STK32B: variants seen among roughly 807,000 people sequenced by gnomAD.
The protein encoded by STK32B is serine/threonine-protein kinase 32B.
A neutral mutation model predicts 52.6 loss-of-function variants in STK32B; 43 were observed. That is an observed-to-expected ratio of 0.82 (90% CI 0.64 to 1.05). The LOEUF (loss-of-function observed/expected upper bound fraction) is 1.05. Among genes scored for constraint, STK32B ranks in the 50% least tolerant of loss-of-function variants. STK32B has a pLI of 0.00. For missense variants in STK32B, 621 were observed against 534.6 expected, an observed-to-expected ratio of 1.16 and a Z score of -1.59; for synonymous variants, 238 against 204.3, an observed-to-expected ratio of 1.17 and a Z score of -1.41.
chr4:5,322,007 A>T (rs1326226699), intron 3 of STK32B, among the ~76,000 whole-genome samples: 7 of 121,482 alleles, frequency 5.8e-5, no homozygotes, highest in African/African-American at 2.3e-4. Context: ...AAGTCAAATT[A>T]AAAAAAAAAA....
At chr4:5,442,781 C>T (rs1331752178) in intron 6 of STK32B, among the ~76,000 whole-genome samples, 10 of 152,154 alleles carry the variant, frequency 6.6e-5, no homozygotes, top group Non-Finnish European at 1.5e-4. Flanking sequence ...CCTTCAGGAG[C>T]TCTTGTAAGG....
At chr4:5,364,369 C>T (rs1734739025) in intron 4 of STK32B, among the ~76,000 whole-genome samples, 1 of 152,194 alleles carries the variant, frequency 6.6e-6, no homozygotes, top group Non-Finnish European at 1.5e-5. Flanking sequence ...GGGAAAGAGA[C>T]AGATCCTGCT....
At chr4:5,314,825 T>G (rs77389084) in intron 3 of STK32B, among the ~76,000 whole-genome samples, 10,123 of 152,174 alleles carry the variant, frequency 0.067, 588 homozygotes, top group African/African-American at 0.16. Flanking sequence ...ATTTTAAAAC[T>G]TTTTATTAAA....
At chr4:5,090,528 T>C (rs1208358710) in intron 1 of STK32B, among the ~76,000 whole-genome samples, 1 of 151,656 alleles carries the variant, frequency 6.6e-6, no homozygotes, top group Non-Finnish European at 1.5e-5. Flanking sequence ...GGTGCCTGAC[T>C]AATTTTTTGT....
intron 4 of STK32B, among the ~76,000 whole-genome samples, chr4:5,354,365 A>G (rs868365397): frequency 2.0e-5 from 3 of 152,074 alleles, no homozygotes; most frequent in Non-Finnish European, 2.9e-5. Context: ...TCCTGGGTTC[A>G]AGGGATTCTC....
At chr4:5,389,182 G>A (rs1279095887) in intron 4 of STK32B, among the ~76,000 whole-genome samples, 5 of 152,264 alleles carry the variant, frequency 3.3e-5, no homozygotes, top group South Asian at 2.1e-4. Flanking sequence ...ATTAAGTCAC[G>A]GATCTCTAAC....
chr4:5,352,902 A>G lies in STK32B; in HGVS notation c.434+21509A>G, dbSNP rs141031306. On this transcript the variant is annotated intron_variant, in intron 4 of 11. Coordinates refer to ENST00000282908, the MANE Select transcript of STK32B (RefSeq NM_018401.3). ...AACATCATTTTTCACAGGAATAGAA[A>G]AAACAATCCGAAATTCATAGGGAAC... Among the ~76,000 whole-genome samples the G allele has an allele frequency of 1.6e-4, 24 of 152,258 alleles. 1 individual carries two copies. The highest frequency in any genetic ancestry group is 2.6e-4 in the Admixed American group (4 of 15,296).
At chr4:5,332,126 T>A (rs1427878685) in intron 4 of STK32B, among the ~76,000 whole-genome samples, 2 of 152,224 alleles carry the variant, frequency 1.3e-5, no homozygotes, top group African/African-American at 4.8e-5. Context: ...AGATGAGGAC[T>A]TGAACTTCTA....
At chr4:5,077,700 C>T (rs1489776924) in intron 1 of STK32B, among the ~76,000 whole-genome samples, 1 of 152,110 alleles carries the variant, frequency 6.6e-6, no homozygotes, top group African/African-American at 2.4e-5. Flanking sequence ...CAGTACCGTG[C>T]AATCCATAGC....
chr4:5,019,595 C>T, the STK32B span: 5 of 816,566 alleles, frequency 6.1e-6, no homozygotes, highest in African/African-American at 9.0e-5. Flanking sequence ...GCCCACCGGG[C>T]AGGGTCGGGA....
chr4:5,453,830 G>C lies in STK32B; in HGVS notation c.667-2977G>C, dbSNP rs763580300. On this transcript the variant is annotated intron_variant, in intron 7 of 11. Coordinates refer to ENST00000282908, the MANE Select transcript of STK32B (RefSeq NM_018401.3). This position sits in a 1 kb window ranked among gnomAD's most constrained non-coding sequence, Gnocchi z 4.0. ...TGAGGCAGGAGAATCGCTTGAACCTGGCAGGTGGAGGTTGCAGTGAGCCGA... is the reference window on the plus strand; with the variant it reads ...TGAGGCAGGAGAATCGCTTGAACCTCGCAGGTGGAGGTTGCAGTGAGCCGA... Among the ~76,000 whole-genome samples, 25 of 151,968 alleles carry C rather than the reference G, an allele frequency of 1.6e-4. No individual in the cohort carries two copies. The highest frequency in any genetic ancestry group is 2.6e-4 in the Non-Finnish European group (18 of 67,994).
chr4:5,448,281 T>C (rs1715654975), intron 7 of STK32B, among the ~76,000 whole-genome samples: 1 of 152,240 alleles, frequency 6.6e-6, no homozygotes, highest in Non-Finnish European at 1.5e-5. Context: ...CAGATTTACC[T>C]GTGAGCTGCT....
intron 3 of STK32B, among the ~76,000 whole-genome samples, chr4:5,304,082 C>G (rs1489841674): frequency 6.6e-6 from 1 of 152,028 alleles, no homozygotes; most frequent in East Asian, 1.9e-4. Flanking sequence ...TGACTGTGGC[C>G]TTACAGTATA....
At chr4:5,448,852 G>A (rs1287011177) in intron 7 of STK32B, among the ~76,000 whole-genome samples, 1 of 152,114 alleles carries the variant, frequency 6.6e-6, no homozygotes, top group Admixed American at 6.5e-5. Flanking sequence ...ACAGGTTTAT[G>A]CAAATAATTT....
intron 5 of STK32B, among the ~76,000 whole-genome samples, chr4:5,401,432 T>C (rs1737286534): frequency 6.6e-6 from 1 of 152,224 alleles, no homozygotes; most frequent in Non-Finnish European, 1.5e-5. Flanking sequence ...GCATTAATAT[T>C]TTATTAATGA....
chr4:5,380,159 A>C lies in STK32B; in HGVS notation c.435-18048A>C, dbSNP rs527238015. 5.3e-5 allele frequency among the ~76,000 whole-genome samples: 8 copies of C among 152,286 alleles called. No individual in the cohort carries two copies. The East Asian group carries it at 1.5e-3, about 29-fold the overall frequency. On this transcript the variant is annotated intron_variant, in intron 4 of 11. Coordinates refer to ENST00000282908, the MANE Select transcript of STK32B (RefSeq NM_018401.3). The surrounding 1 kb of genome is among the most constrained non-coding windows in gnomAD (Gnocchi z 4.3). Reference sequence around the variant, plus strand: ...TATTCTGGTGAAGCCGCTCCTAACCAGACCCATCCTGCAGCTGGCTGTAAG... The same window carrying C: ...TATTCTGGTGAAGCCGCTCCTAACCCGACCCATCCTGCAGCTGGCTGTAAG...
intron 3 of STK32B, among the ~76,000 whole-genome samples, chr4:5,202,780 C>G (rs1722259531): frequency 6.6e-6 from 1 of 152,226 alleles, no homozygotes; most frequent in Non-Finnish European, 1.5e-5. Context: ...GTTCCATCCC[C>G]TCATGTCTGT....
At chr4:5,385,877 C>A (rs1377499743) in intron 4 of STK32B, among the ~76,000 whole-genome samples, 2 of 149,882 alleles carry the variant, frequency 1.3e-5, no homozygotes, top group East Asian at 4.0e-4. Context: ...CCACCTACAA[C>A]CTCACCCACA....
At chr4:5,284,025 CTA>C (rs1341390635) in intron 3 of STK32B, among the ~76,000 whole-genome samples, 1 of 152,064 alleles carries the variant, frequency 6.6e-6, no homozygotes, top group East Asian at 1.9e-4. Flanking sequence ...CAACACAAGA[CTA>C]TTCAAAAATT....
Sources: gnomAD v4.1 joint callset for allele counts (sites outside exome capture counted in the v4.1 genomes callset) on GRCh38, gnomAD v4.1.1 for gene constraint, Gnocchi (gnomAD v3.1) non-coding constraint, MANE v1.5 for transcripts, NCBI Gene and HGNC (gene_info 2026-07-23, HGNC 2026-07-21) for gene names.